TG: variants seen among roughly 807,000 people sequenced by gnomAD.
The protein encoded by TG is thyroglobulin, also known as thyroid hormones.
In TG, 270 loss-of-function variants were observed where a neutral mutation model predicts 324.7. The observed-to-expected ratio is 0.83, with a 90% CI of 0.75 to 0.92. TG has a LOEUF of 0.92. Ranked by LOEUF, TG falls within the 40% of genes least tolerant of loss-of-function variation. The pLI is 0.00. For missense variants in TG, 3,591 were observed against 3,456.4 expected (o/e 1.04, Z -0.98); for synonymous variants, 1,401 against 1,327.0 (o/e 1.06, Z -1.21).
chr8:132,961,679 C>T (rs551349752), intron 28 of TG, among the ~76,000 whole-genome samples: 34 of 152,280 alleles, frequency 2.2e-4, no homozygotes, highest in African/African-American at 7.9e-4. Context: ...ACAGCCCTGA[C>T]TATTGAAGGG....
intron 23 of TG, among the ~76,000 whole-genome samples, chr8:132,932,564 G>A (rs1489332654): frequency 6.6e-6 from 1 of 152,198 alleles, no homozygotes; most frequent in Non-Finnish European, 1.5e-5. Context: ...AATGATAAAT[G>A]TGTAAGTGTA....
At chr8:133,046,802 AT>A (rs1019294125) in intron 41 of TG, among the ~76,000 whole-genome samples, 1 of 152,022 alleles carries the variant, frequency 6.6e-6, no homozygotes, top group Non-Finnish European at 1.5e-5. Context: ...TTGATCGCAG[AT>A]TTTTTTTAAA....
At chr8:132,911,313 T>C in intron 18 of TG, 64 bp from the exon 19 acceptor site, 1 of 1,613,866 alleles carries the variant, frequency 6.2e-7, no homozygotes, top group Non-Finnish European at 8.5e-7. Context: ...GTTCCTGGTG[T>C]GGACCCAACA....
intron 41 of TG, chr8:133,038,486 T>G: frequency 6.8e-7 from 1 of 1,480,478 alleles, no homozygotes; most frequent in Non-Finnish European, 9.4e-7. Context: ...TTGGAACTTC[T>G]GTTCCTTTTG....
intron 41 of TG, chr8:133,060,264 C>A (rs1413629722): frequency 6.2e-7 from 1 of 1,607,110 alleles, no homozygotes; most frequent in Admixed American, 1.7e-5. Flanking sequence ...TGGAGAATGA[C>A]CCAGTTTAGA....
intron 35 of TG, among the ~76,000 whole-genome samples, chr8:132,998,787 T>A (rs1397882644): frequency 6.6e-6 from 1 of 152,114 alleles, no homozygotes; most frequent in Non-Finnish European, 1.5e-5. Context: ...TTGGCAGGGT[T>A]TGGGGTGTGA....
intron 25 of TG, among the ~76,000 whole-genome samples, chr8:132,936,094 C>T (rs1343811661): frequency 6.6e-6 from 1 of 152,216 alleles, no homozygotes; most frequent in East Asian, 1.9e-4. Context: ...CATCATTCTC[C>T]TTTGTGCCTT....
chr8:132,881,079 T>C (rs187373782), intron 5 of TG, among the ~76,000 whole-genome samples: 1 of 152,318 alleles, frequency 6.6e-6, no homozygotes, highest in African/African-American at 2.4e-5. Context: ...ATATAGGGCA[T>C]GAAAACAAAT....
intron 37 of TG, 23 bp downstream of exon 37, chr8:133,013,787 G>A (rs1295292556): frequency 5.6e-6 from 9 of 1,604,068 alleles, no homozygotes; most frequent in Non-Finnish European, 7.6e-6. Context: ...CTATGCCTTT[G>A]CAGCCATCCT....
At chr8:133,091,472 T>C (rs1013994894) in intron 41 of TG, among the ~76,000 whole-genome samples, 5 of 152,168 alleles carry the variant, frequency 3.3e-5, no homozygotes, top group African/African-American at 7.2e-5. Context: ...ACCCCGCTTC[T>C]TGTTGCTTTG....
At chr8:132,904,453 G>A (rs551835401) in intron 16 of TG, among the ~76,000 whole-genome samples, 2 of 152,192 alleles carry the variant, frequency 1.3e-5, no homozygotes, top group South Asian at 4.2e-4. Context: ...CTCTGGGGCT[G>A]GGCCCACTGT....
At chr8:132,916,648 C>T (rs1166541804) in intron 20 of TG, among the ~76,000 whole-genome samples, 21 of 152,164 alleles carry the variant, frequency 1.4e-4, no homozygotes, top group Non-Finnish European at 8.8e-5. Context: ...GCACAGCAGC[C>T]TTGATCCAGG....
chr8:132,919,328 T>G, intron 20 of TG, 48 bp from the exon 21 acceptor site: 1 of 1,592,060 alleles, frequency 6.3e-7, no homozygotes. Flanking sequence ...ATTGTAACTG[T>G]GAAGCATGTG....
chr8:132,883,084 T>C, intron 8 of TG, 85 bp downstream of exon 8: 1 of 1,456,422 alleles, frequency 6.9e-7, no homozygotes, highest in Non-Finnish European at 9.4e-7. Context: ...TGGACCCCAT[T>C]AATTCAACTG....
intron 35 of TG, among the ~76,000 whole-genome samples, chr8:132,988,307 G>A (rs1490162495): frequency 2.0e-5 from 3 of 152,166 alleles, no homozygotes; most frequent in African/African-American, 7.2e-5. Flanking sequence ...GCCAAGAGGA[G>A]AATGGATAGT....
Position 133,113,463 on chromosome 8 carries a change from C to G in TG, c.7614C>G (p.Ala2538=). ...ESRGRTSSKT[A]FYQALQNSLG... is the part of the protein sequence containing the mutation. ...GAGGCCGGACCAGTAGCAAAACAGC[C>G]TTTTACCAGGCACTGCAGAATTCTC... The change falls in exon 44 of 48, where the codon GCC becomes GCG. Residue 2538 remains alanine, a synonymous_variant. Transcript: ENST00000220616. 6.2e-7 allele frequency: 1 copy of G among 1,613,980 alleles called. No homozygotes were observed. The highest frequency in any genetic ancestry group is 8.5e-7 in the Non-Finnish European group (1 of 1,180,004).
chr8:132,908,380 A>G lies in TG; in HGVS notation c.4002+40A>G, dbSNP rs1419062056. 3 of 1,510,238 alleles carry G rather than the reference A, an allele frequency of 2.0e-6. No homozygotes were observed. In the South Asian group the frequency reaches 3.4e-5, roughly 17 times the overall value. The allele number at this position is 1,510,238 out of a possible 1,614,324, so 93.6% of individuals were successfully genotyped here. Reference sequence around the variant, plus strand: ...TTCCCCACAGTGAGGGCTTGGACTCAACTCAGGGTTACGGTGTCAGAAAAC... The same window carrying G: ...TTCCCCACAGTGAGGGCTTGGACTCGACTCAGGGTTACGGTGTCAGAAAAC... On this transcript the variant is annotated intron_variant, in intron 18 of 47. Transcript: ENST00000220616.
chr8:132,963,085 C>G lies in TG; in HGVS notation c.5548+11C>G. 3.1e-6 allele frequency: 5 copies of G among 1,613,806 alleles called. No individual in the cohort carries two copies. Among genetic ancestry groups the G allele is most frequent in the Non-Finnish European group, 4.2e-6 (5 of 1,179,734 alleles). ...CTCCAACAGAAGCAGGTACTGACCCCCAAACCTTCTTACACACTTGGGTGT... is the reference window on the plus strand; with the variant it reads ...CTCCAACAGAAGCAGGTACTGACCCGCAAACCTTCTTACACACTTGGGTGT... On this transcript the variant is annotated intron_variant, in intron 29 of 47. Transcript: ENST00000220616.
At chr8:132,870,567 A>G (rs1191927957) in intron 3 of TG, among the ~76,000 whole-genome samples, 1 of 151,738 alleles carries the variant, frequency 6.6e-6, no homozygotes, top group Non-Finnish European at 1.5e-5. Flanking sequence ...GATCATTGCT[A>G]ATGTCTCAGT....
Sources: allele counts gnomAD v4.1 joint callset (sites outside exome capture counted in the v4.1 genomes callset), GRCh38; gene constraint gnomAD v4.1.1; transcripts MANE v1.5; gene names NCBI Gene and HGNC (gene_info 2026-07-23, HGNC 2026-07-21).